Variants in CARMIL1 observed in about 807,000 individuals in gnomAD.
CARMIL1 encodes the protein F-actin-uncapping protein LRRC16A.
In CARMIL1, 90 loss-of-function variants were observed where a neutral mutation model predicts 177.1. The ratio of observed to expected loss-of-function variants is 0.51; its 90% CI spans 0.43 to 0.61. The LOEUF is 0.61. Ranked by LOEUF, CARMIL1 falls within the 20% of genes least tolerant of loss-of-function variation. The pLI is 0.00. For synonymous variants in CARMIL1, 577 were observed against 606.2 expected (o/e 0.95, Z 0.71); for missense variants, 1,380 against 1,667.0 (o/e 0.83, Z 3.00).
At chr6:25,317,687 A>G (rs1000986261) in intron 2 of CARMIL1, among the ~76,000 whole-genome samples, 1 of 150,366 alleles carries the variant, frequency 6.7e-6, no homozygotes, top group Non-Finnish European at 1.5e-5. Context: ...CATTCTCCTG[A>G]CTAGGACTAC....
At chr6:25,320,007 C>T (rs1017575772) in intron 2 of CARMIL1, among the ~76,000 whole-genome samples, 29 of 151,866 alleles carry the variant, frequency 1.9e-4, no homozygotes, top group African/African-American at 6.8e-4. Flanking sequence ...GGACATTAGT[C>T]AATGAAGATT....
rs34221543 is a variant in CARMIL1 at position 25,468,201 on chromosome 6, TA to T, written c.690+2264del. 3.1e-3 allele frequency among the ~76,000 whole-genome samples: 464 copies of T among 149,556 alleles called. 1 individual carries two copies. Among genetic ancestry groups the T allele is most frequent in the African/African-American group, 0.011 (432 of 40,744 alleles). ...ATTTCTAATTTGAGTCAAGGATTTTTAAAAAAAAAAATGGTACCGAATATGC... is the reference window on the plus strand; with the variant it reads ...ATTTCTAATTTGAGTCAAGGATTTTTAAAAAAAAAATGGTACCGAATATGC... On this transcript the variant is annotated intron_variant, in intron 9 of 36. Coordinates refer to ENST00000329474, the MANE Select transcript of CARMIL1 (RefSeq NM_017640.6).
chr6:25,604,286 C>T (rs1815721138), intron 33 of CARMIL1, among the ~76,000 whole-genome samples: 1 of 152,084 alleles, frequency 6.6e-6, no homozygotes, highest in South Asian at 2.1e-4. Flanking sequence ...CACTATGTTG[C>T]CTAGGCTGGT....
At chr6:25,435,933 C>T (rs1453324900) in intron 5 of CARMIL1, among the ~76,000 whole-genome samples, 1 of 152,104 alleles carries the variant, frequency 6.6e-6, no homozygotes, top group Non-Finnish European at 1.5e-5. Flanking sequence ...TACCAGAGTG[C>T]CAGGGGCTGC....
At chr6:25,593,284 T>C (rs780023455) in intron 31 of CARMIL1, among the ~76,000 whole-genome samples, 1 of 152,198 alleles carries the variant, frequency 6.6e-6, no homozygotes, top group Non-Finnish European at 1.5e-5. Context: ...TGATTTCAGC[T>C]CCTGAACAGG....
At chr6:25,474,367 G>A (rs575657052) in intron 11 of CARMIL1, among the ~76,000 whole-genome samples, 27 of 151,974 alleles carry the variant, frequency 1.8e-4, no homozygotes, top group Non-Finnish European at 2.5e-4. Flanking sequence ...CACCCACCTC[G>A]GCCTCCCAAA....
chr6:25,542,808 T>A (rs1809055026), intron 26 of CARMIL1, among the ~76,000 whole-genome samples: 1 of 152,170 alleles, frequency 6.6e-6, no homozygotes, highest in Non-Finnish European at 1.5e-5. Context: ...AAAATACCAT[T>A]TGTCTATATA....
intron 36 of CARMIL1, among the ~76,000 whole-genome samples, chr6:25,615,456 A>G (rs146322614): frequency 6.6e-5 from 10 of 152,270 alleles, no homozygotes; most frequent in African/African-American, 1.9e-4. Flanking sequence ...ACATTTAATT[A>G]TAAGTTGTGA....
intron 2 of CARMIL1, among the ~76,000 whole-genome samples, chr6:25,325,969 A>G (rs1322111213): frequency 6.6e-6 from 1 of 152,050 alleles, no homozygotes; most frequent in Admixed American, 6.5e-5. Context: ...TCCTGGGTTC[A>G]AGCAATTCCC....
intron 29 of CARMIL1, among the ~76,000 whole-genome samples, chr6:25,573,239 T>C (rs2151225226): frequency 6.6e-6 from 1 of 152,340 alleles, no homozygotes; most frequent in East Asian, 1.9e-4. Flanking sequence ...ATCTATCATG[T>C]GTTTTTGACA....
rs527449053 is a variant in CARMIL1, at chr6:25,585,814, A to T, written c.3006+4375A>T. 2.0e-4 allele frequency among the ~76,000 whole-genome samples: 31 copies of T among 152,282 alleles called. No homozygotes were observed. The East Asian group carries it at 5.6e-3, about 27-fold the overall frequency. ...GCACATCTTGCACCGCCCTTAATCC[A>T]TTTAACCCTGAGTGGACACAGCACA... On this transcript the variant is annotated intron_variant, in intron 31 of 36. Coordinates refer to ENST00000329474, the MANE Select transcript of CARMIL1 (RefSeq NM_017640.6).
At chr6:25,573,650 C>CTT (rs925777156) in intron 29 of CARMIL1, among the ~76,000 whole-genome samples, 10 of 142,826 alleles carry the variant, frequency 7.0e-5, no homozygotes, top group Admixed American at 2.1e-4. Flanking sequence ...AGTGGTAAAA[C>CTT]CCTTCATTTC....
At chr6:25,383,615 T>G (rs73730705) in intron 2 of CARMIL1, 1 of 152,106 alleles carries the variant, frequency 6.6e-6, no homozygotes, top group Non-Finnish European at 1.5e-5. Context: ...GCTTTGGTAG[T>G]ACATATACTA....
intron 15 of CARMIL1, among the ~76,000 whole-genome samples, chr6:25,493,407 T>C (rs1367174672): frequency 6.6e-6 from 1 of 152,216 alleles, no homozygotes; most frequent in Non-Finnish European, 1.5e-5. Context: ...TCACAGATAA[T>C]TTCATTAGTG....
intron 2 of CARMIL1, among the ~76,000 whole-genome samples, chr6:25,325,325 G>C (rs1784984598): frequency 6.6e-6 from 1 of 152,172 alleles, no homozygotes; most frequent in African/African-American, 2.4e-5. Context: ...ACCATGAGCT[G>C]CTTAATCTGG....
intron 32 of CARMIL1, 40 bp from the exon 33 acceptor site, chr6:25,600,274 C>A: frequency 6.5e-7 from 1 of 1,530,536 alleles, no homozygotes; most frequent in Non-Finnish European, 8.8e-7. Context: ...AACTTATTTA[C>A]AGTAAAAACA....
chr6:25,580,981 A>C lies in CARMIL1; in HGVS notation c.2800A>C (p.Arg934=). ...IHSRMLRPVS[R]AFEMEFDLDK... is the part of the protein sequence containing the mutation. ...TAGCCGAATGCTGCGGCCTGTTTCTAGGGCTTTTGGTAAGTGTTTTGCTGC... is the reference window on the plus strand; with the variant it reads ...TAGCCGAATGCTGCGGCCTGTTTCTCGGGCTTTTGGTAAGTGTTTTGCTGC... Residue 934 remains arginine, a synonymous_variant, in exon 30 of 37, where the codon AGG becomes CGG. Transcript: ENST00000329474. 1 of 1,598,600 alleles carries C rather than the reference A, an allele frequency of 6.3e-7. No individual in the cohort carries two copies. The highest frequency in any genetic ancestry group is 8.5e-7 in the Non-Finnish European group (1 of 1,171,902).
chr6:25,317,365 C>T (rs1010965740), intron 2 of CARMIL1, among the ~76,000 whole-genome samples: 2 of 152,050 alleles, frequency 1.3e-5, no homozygotes, highest in African/African-American at 4.8e-5. Context: ...CTCCTGGGCT[C>T]AAGCAATCCT....
intron 2 of CARMIL1, among the ~76,000 whole-genome samples, chr6:25,401,982 T>C (rs181110103): frequency 6.6e-6 from 1 of 152,092 alleles, no homozygotes; most frequent in Admixed American, 6.5e-5. Flanking sequence ...ACCAAGGATT[T>C]GCGTGTAGTT....
Sources: allele counts gnomAD v4.1 joint callset (sites outside exome capture counted in the v4.1 genomes callset), GRCh38; gene constraint gnomAD v4.1.1; transcripts MANE v1.5; gene names NCBI Gene and HGNC (gene_info 2026-07-23, HGNC 2026-07-21).